Variants in NLRP6 observed in about 807,000 individuals in gnomAD.
NLRP6 encodes NACHT, LRR and PYD domains-containing protein 6.
A neutral mutation model predicts 70.9 loss-of-function variants in NLRP6; 55 were observed. That is an observed-to-expected ratio of 0.78 (90% CI 0.62 to 0.97). NLRP6 has a LOEUF of 0.97. NLRP6 is among the 50% of genes least tolerant of loss of function. The pLI, the probability that NLRP6 is intolerant of heterozygous loss-of-function variation, is 0.00. For synonymous variants in NLRP6, 652 were observed against 581.9 expected (o/e 1.12, Z -1.73); for missense variants, 1,241 against 1,238.3 (o/e 1.00, Z -0.03).
rs764007010 is a variant in NLRP6 at position 280,992 on chromosome 11, C to T, written c.1258C>T (p.Leu420=). 6.2e-7 allele frequency: 1 copy of T among 1,613,192 alleles called. No homozygotes were observed. The highest frequency in any genetic ancestry group is 1.1e-5 in the South Asian group (1 of 91,092). Residue 420 remains leucine (L), a synonymous_variant, in exon 4 of 8, where the codon CTG becomes TTG. Transcript: ENST00000534750. ...RTSKTTTSVY[L]LFITSVLSSA... The stretch of plus-strand genomic sequence containing the variant: ...GTCCAAGACCACCACGTCAGTGTAC[C>T]TGCTTTTCATCACCAGCGTTCTGAG...
In NLRP6 at chr11:285,255, C is replaced by A. The variant is rs756042577; in HGVS notation, c.2627C>A (p.Ala876Glu). ...AKPDLVITHP[A>E]LDGHPQPPKE... is the part of the protein sequence containing the mutation. ...CCGGATCTGGTCATCACACACCCAG[C>A]GCTGGACGGCCACCCACAACCTCCC... Residue 876 changes from alanine to glutamate, a missense_variant, in exon 8 of 8, where the codon GCG (alanine) becomes GAG (glutamate). Coordinates refer to ENST00000534750, the MANE Select transcript of NLRP6 (RefSeq NM_001276700.2). The A allele has an allele frequency of 1.2e-6, 2 of 1,607,632 alleles. No individual in the cohort carries two copies. The highest frequency in any genetic ancestry group is 1.7e-6 in the Non-Finnish European group (2 of 1,176,802).
rs1590269423 is a variant in NLRP6 at position 281,154 on chromosome 11, A to G, written c.1420A>G (p.Lys474Glu). 1.9e-6 allele frequency: 3 copies of G among 1,612,980 alleles called. No individual in the cohort carries two copies. Among genetic ancestry groups the G allele is most frequent in the Non-Finnish European group, 2.5e-6 (3 of 1,179,964 alleles). Residue 474 changes from lysine to glutamate, a missense_variant, in exon 4 of 8, where the codon AAA becomes GAA. By Grantham distance (56) the Lys-to-Glu change is moderately conservative. Transcript: ENST00000534750. ...GGAGCAACTGGAGCTTCGTGGCTCC[A>G]AAGTGCAGACGCTGTTTCTCAGCAA... ...ELEQLELRGS[K>E]VQTLFLSKKE...
chr11:284,126 C>G (rs1454029220), intron 5 of NLRP6, 104 bp from the exon 6 acceptor site: 1 of 1,033,654 alleles, frequency 9.7e-7, no homozygotes, highest in East Asian at 2.5e-5. Context: ...CAACACATCT[C>G]TCAGCTGAAC....
chr11:279,816 C>A lies in NLRP6; in HGVS notation c.311-18C>A, dbSNP rs1845440574. ...TGTTCCCGCCCTCGGCGGAACCTCA[C>A]CCCAGTTTCCCTTCCAGGGCTCGGG... On this transcript the variant is annotated intron_variant, in intron 2 of 7. Transcript: ENST00000534750. 1.3e-6 allele frequency: 2 copies of A among 1,584,912 alleles called. No homozygotes were observed. The highest frequency in any genetic ancestry group is 1.1e-5 in the South Asian group (1 of 88,124).
chr11:278,692 C>A lies in NLRP6; in HGVS notation c.29+94C>A. 3.2e-6 allele frequency: 3 copies of A among 948,936 alleles called. No homozygotes were observed. The highest frequency in any genetic ancestry group is 1.7e-5 in the African/African-American group (1 of 58,636). The allele number at this position is 948,936 out of a possible 1,614,324, so 58.8% of individuals were successfully genotyped here. ...CCGCTGACTTCCTCAGGCTCTCCAC[C>A]CTTGTCCACATCCTTCCCCCACCCT... On this transcript the variant is annotated intron_variant, in intron 1 of 7. Transcript: ENST00000534750. This position sits in a 1 kb window ranked among gnomAD's most constrained non-coding sequence, Gnocchi z 4.7.
In NLRP6 at chr11:284,393, A is replaced by G; in HGVS notation, c.2362A>G (p.Thr788Ala). The G allele has an allele frequency of 6.3e-6, 10 of 1,599,292 alleles. No individual in the cohort carries two copies. The highest frequency in any genetic ancestry group is 8.5e-6 in the Non-Finnish European group (10 of 1,170,602). The change falls in exon 6 of 8, where the codon ACG becomes GCG. Residue 788 changes from threonine to alanine, a missense_variant. Physicochemically the swap from Thr to Ala is moderately conservative, Grantham distance 58. Transcript: ENST00000534750. The stretch of plus-strand genomic sequence containing the variant: ...AGCCTGGCCGCAGTGCAGGGTGCAG[A>G]CGGTCAGGTGAGGCCTGGCCTGGGA... ...GLAWPQCRVQ[T>A]VRVQLPDPQR...
chr11:279,391 G>C lies in NLRP6; in HGVS notation c.94G>C (p.Glu32Gln), dbSNP rs775245429. 19 of 1,343,656 alleles carry C rather than the reference G, an allele frequency of 1.4e-5. No homozygotes were observed. The South Asian group carries it at 3.1e-4, about 22-fold the overall frequency. The allele number at this position is 1,343,656 out of a possible 1,614,324, so 83.2% of individuals were successfully genotyped here. A position where few individuals can be genotyped will look rare whatever the true frequency, so the allele number is the denominator to read the frequency against. ...LLAALEELSQ[E>Q]QLKRFRHKLR... ...GGCTGCGCTGGAGGAACTGAGCCAA[G>C]AGCAGCTGAAGCGCTTCCGCCACAA... Residue 32 changes from glutamate to glutamine, a missense_variant, in exon 2 of 8, where the codon GAG becomes CAG. Glu to Gln is a conservative substitution (Grantham distance 29). Coordinates refer to ENST00000534750, the MANE Select transcript of NLRP6 (RefSeq NM_001276700.2).
Position 283,929 on chromosome 11 carries a change from G to A in NLRP6, c.2199-301G>A, listed in dbSNP as rs1845515650. On this transcript the variant is annotated intron_variant, in intron 5 of 7. Coordinates refer to ENST00000534750, the MANE Select transcript of NLRP6 (RefSeq NM_001276700.2). The stretch of plus-strand genomic sequence containing the variant: ...ACTACCCAACCATTAGGGAATAGCG[G>A]ACTAAATAAACTGAGTTGGCCACCT... 2.0e-5 allele frequency among the ~76,000 whole-genome samples: 3 copies of A among 152,046 alleles called. No homozygotes were observed. The South Asian group carries it at 6.2e-4, about 32-fold the overall frequency.
chr11:281,554 A>T lies in NLRP6; in HGVS notation c.1820A>T (p.Glu607Val), dbSNP rs377505007. The change falls in exon 4 of 8, where the codon GAG (glutamate) becomes GTG (valine). Residue 607 changes from glutamate to valine, a missense_variant. Glu to Val is a moderately radical substitution (Grantham distance 121). Transcript: ENST00000534750. ...GGGCTCGAGGACACCGAAGAGCCAG[A>T]GGAGGAGGAGGAGGGAGAGGAGCCC... ...AKGLEDTEEP[E>V]EEEEGEEPNY... 1.9e-6 allele frequency: 3 copies of T among 1,590,898 alleles called. No individual in the cohort carries two copies. Among genetic ancestry groups the T allele is most frequent in the Non-Finnish European group, 2.6e-6 (3 of 1,165,086 alleles).
Position 281,041 on chromosome 11 carries a change from C to A in NLRP6, c.1307C>A (p.Pro436His). 6.2e-7 allele frequency: 1 copy of A among 1,613,044 alleles called. No individual in the cohort carries two copies. The highest frequency in any genetic ancestry group is 2.2e-5 in the East Asian group (1 of 44,884). ...VLSSAPVADGPRLQGDLRNLC... is the reference protein window; with the variant it reads ...VLSSAPVADGHRLQGDLRNLC... ...AGCTCGGCTCCGGTAGCCGACGGGC[C>A]CCGGTTGCAGGGCGACCTGCGCAAT... The change falls in exon 4 of 8, where the codon CCC becomes CAC. Residue 436 changes from proline (P) to histidine (H), a missense_variant. Physicochemically the swap from Pro to His is moderately conservative, Grantham distance 77 (BLOSUM62 -2). Coordinates refer to ENST00000534750, the MANE Select transcript of NLRP6 (RefSeq NM_001276700.2).
At chr11:284,693 G>T in intron 7 of NLRP6, 51 bp downstream of exon 7, 1 of 1,531,936 alleles carries the variant, frequency 6.5e-7, no homozygotes, top group Non-Finnish European at 8.8e-7. Flanking sequence ...TCAACCCGGG[G>T]AGGGGGAGGG....
chr11:279,735 G>T, intron 2 of NLRP6, 99 bp from the exon 3 acceptor site: 1 of 1,372,594 alleles, frequency 7.3e-7, no homozygotes, highest in Non-Finnish European at 9.5e-7. Context: ...GCGGGCCCCA[G>T]GGGTAGGACC....
At chr11:283,761 TGG>T (rs1845512714) in intron 5 of NLRP6, among the ~76,000 whole-genome samples, 1 of 151,412 alleles carries the variant, frequency 6.6e-6, no homozygotes, top group Non-Finnish European at 1.5e-5. Flanking sequence ...TAGCTTGATA[TGG>T]GGGTGGGGGA....
In NLRP6 at chr11:281,297, C is replaced by G. The variant is rs774885098; in HGVS notation, c.1563C>G (p.Thr521=). The change falls in exon 4 of 8, where the codon ACC becomes ACG. Residue 521 remains threonine, a synonymous_variant. Coordinates refer to ENST00000534750, the MANE Select transcript of NLRP6 (RefSeq NM_001276700.2). ...YLLEDGGVPR[T]AAGGVGTLLR... The stretch of plus-strand genomic sequence containing the variant: ...TGGAGGACGGCGGGGTGCCCAGGAC[C>G]GCGGCTGGCGGCGTTGGGACACTCC... 7 of 1,609,040 alleles carry G rather than the reference C, an allele frequency of 4.4e-6. No individual in the cohort carries two copies. Among genetic ancestry groups the G allele is most frequent in the Middle Eastern group, 1.7e-4 (1 of 6,048 alleles).
At position 278,467 on chromosome 11, in the gene NLRP6, T is replaced by C; in HGVS notation, c.-103T>C. ...TGTGGACCCGGGGAATGGACCGGGC[T>C]GGACAACCTCTAAGACTTGGCTCCA... On this transcript the variant is annotated 5_prime_UTR_variant, in exon 1 of 8. Coordinates refer to ENST00000534750, the MANE Select transcript of NLRP6 (RefSeq NM_001276700.2). This position sits in a 1 kb window ranked among gnomAD's most constrained non-coding sequence, Gnocchi z 4.7. The C allele has an allele frequency of 1.0e-6, 1 of 994,714 alleles. No individual in the cohort carries two copies. Among genetic ancestry groups the C allele is most frequent in the Non-Finnish European group, 1.4e-6 (1 of 692,354 alleles). 61.6% of individuals were successfully genotyped at this position (994,714 alleles called of 1,614,324 possible).
chr11:282,559 T>C, intron 4 of NLRP6, 146 bp from the exon 5 acceptor site: 5 of 681,944 alleles, frequency 7.3e-6, no homozygotes, highest in East Asian at 2.7e-5. Flanking sequence ...CTGGGTTTGG[T>C]TGGGGGAGTG....
rs1564830851 is a variant in NLRP6 at position 278,933 on chromosome 11, A to C, written c.29+335A>C. 2.8e-6 allele frequency: 1 copy of C among 351,246 alleles called. No individual in the cohort carries two copies. Among genetic ancestry groups the C allele is most frequent in the Non-Finnish European group, 5.1e-6 (1 of 195,170 alleles). The allele number at this position is 351,246 out of a possible 1,614,324, so 21.8% of individuals were successfully genotyped here. On this transcript the variant is annotated intron_variant, in intron 1 of 7. Coordinates refer to ENST00000534750, the MANE Select transcript of NLRP6 (RefSeq NM_001276700.2). This position sits in a 1 kb window ranked among gnomAD's most constrained non-coding sequence, Gnocchi z 4.7. ...GCTCCGGGATCGGGAAGAGAGGGAA[A>C]AGAAGGAAAGCGAGGAAAGAGAGCT...
In NLRP6 at chr11:281,411, C is replaced by G; in HGVS notation, c.1677C>G (p.Ile559Met). ...GLLSAERMRD[I>M]ERHFGCMVSE... ...TGAGCGCGGAGCGGATGCGCGACAT[C>G]GAGCGCCACTTCGGCTGCATGGTTT... Residue 559 changes from isoleucine (I) to methionine (M), a missense_variant, in exon 4 of 8, where the codon ATC (isoleucine) becomes ATG (methionine). Transcript: ENST00000534750. The G allele has an allele frequency of 6.2e-7, 1 of 1,608,406 alleles. No individual in the cohort carries two copies. The highest frequency in any genetic ancestry group is 8.5e-7 in the Non-Finnish European group (1 of 1,177,802).
intron 7 of NLRP6, 65 bp downstream of exon 7, chr11:284,707 CT>C: frequency 3.4e-6 from 5 of 1,474,084 alleles, no homozygotes; most frequent in Non-Finnish European, 4.6e-6. Context: ...GGGAGGGTGC[CT>C]GGGGGCTCCC....
Sources: allele counts gnomAD v4.1 joint callset (sites outside exome capture counted in the v4.1 genomes callset), GRCh38; gene constraint gnomAD v4.1.1; non-coding constraint Gnocchi (gnomAD v3.1); transcripts MANE v1.5; gene names NCBI Gene and HGNC (gene_info 2026-07-23, HGNC 2026-07-21).